The following PDE1C variants were observed in gnomAD, a reference collection of about 807,000 sequenced individuals.
PDE1C encodes phosphodiesterase 1C.
A neutral mutation model predicts 93.1 loss-of-function variants in PDE1C; 62 were observed. The ratio of observed to expected loss-of-function variants is 0.67; its 90% CI spans 0.54 to 0.82. The LOEUF (loss-of-function observed/expected upper bound fraction) is 0.82, where lower values mean the gene tolerates loss of function less well. Among genes scored for constraint, PDE1C ranks in the 40% least tolerant of loss-of-function variants. The pLI, the probability that PDE1C is intolerant of heterozygous loss-of-function variation, is 0.00. For synonymous variants in PDE1C, 325 were observed against 310.1 expected (o/e 1.05, Z -0.50); for missense variants, 742 against 884.6 (o/e 0.84, Z 2.04).
At chr7:32,029,135 C>A (rs560562769) in intron 2 of PDE1C, among the ~76,000 whole-genome samples, 1 of 152,102 alleles carries the variant, frequency 6.6e-6, no homozygotes, top group African/African-American at 2.4e-5. Flanking sequence ...CAAATACATG[C>A]AAAAACAAAT....
chr7:32,107,149 GA>G (rs112356828), intron 3 of PDE1C, among the ~76,000 whole-genome samples: 78,590 of 142,934 alleles, frequency 0.55, 23,151 homozygotes, highest in Middle Eastern at 0.71. Flanking sequence ...GAAATGTAAA[GA>G]AAAAAAAAAA....
chr7:31,869,811 C>G (rs566078448), intron 6 of PDE1C, among the ~76,000 whole-genome samples: 2 of 152,180 alleles, frequency 1.3e-5, no homozygotes, highest in South Asian at 4.1e-4. Flanking sequence ...CTACAGAACA[C>G]AAATTTTTCT....
intron 1 of PDE1C, among the ~76,000 whole-genome samples, chr7:32,361,930 C>T (rs767030887): frequency 9.2e-5 from 14 of 152,136 alleles, no homozygotes; most frequent in Admixed American, 1.3e-4. Context: ...TTCTTTAGTC[C>T]GTCATTCAAC....
At chr7:31,718,380 A>G in the PDE1C span, among the ~76,000 whole-genome samples, 1 of 152,090 alleles carries the variant, frequency 6.6e-6, no homozygotes, top group Non-Finnish European at 1.5e-5. Context: ...CTCCTCTGCT[A>G]CTCACAGGTC....
intron 3 of PDE1C, among the ~76,000 whole-genome samples, chr7:32,163,783 C>T (rs376106330): frequency 2.0e-5 from 3 of 152,156 alleles, no homozygotes; most frequent in Non-Finnish European, 1.5e-5. Flanking sequence ...GCATCACTCA[C>T]AAAGCATCCA....
chr7:31,655,913 C>T, the PDE1C span: 1 of 985,474 alleles, frequency 1.0e-6, no homozygotes, highest in Non-Finnish European at 1.2e-6. Context: ...ACCTGGCAGC[C>T]ATCTGCTTTA....
chr7:31,847,861 C>T (rs1484032655), intron 9 of PDE1C, 107 bp downstream of exon 9: 20 of 1,168,106 alleles, frequency 1.7e-5, no homozygotes, highest in South Asian at 7.4e-5. Flanking sequence ...GAAAGCAACA[C>T]GAATCAACAT....
At chr7:32,329,941 T>C (rs6955346) in intron 1 of PDE1C, among the ~76,000 whole-genome samples, 61,237 of 152,144 alleles carry the variant, frequency 0.4, 13,533 homozygotes, top group African/African-American at 0.58. Context: ...ATTGTCCACA[T>C]GTTGCCTTTG....
intron 2 of PDE1C, among the ~76,000 whole-genome samples, chr7:32,019,940 A>C (rs1378280975): frequency 6.6e-6 from 1 of 152,108 alleles, no homozygotes; most frequent in East Asian, 1.9e-4. Context: ...AAGTTCAGGG[A>C]AAAGAGCAAG....
intron 16 of PDE1C, among the ~76,000 whole-genome samples, chr7:31,804,810 G>C (rs898070810): frequency 1.3e-5 from 2 of 151,772 alleles, no homozygotes; most frequent in Non-Finnish European, 2.9e-5. Context: ...TGATAAACGA[G>C]GTGGCTATTA....
chr7:31,923,142 C>T (rs757036086), intron 2 of PDE1C, among the ~76,000 whole-genome samples: 1 of 152,142 alleles, frequency 6.6e-6, no homozygotes, highest in Non-Finnish European at 1.5e-5. Context: ...CCAGAGAAAA[C>T]ATACAGAGGT....
chr7:32,047,062 A>AGTGTGTGT (rs59580872), intron 2 of PDE1C, among the ~76,000 whole-genome samples: 1,698 of 145,944 alleles, frequency 0.012, 20 homozygotes, highest in African/African-American at 0.029. Context: ...TGCGAGACAG[A>AGTGTGTGT]GTGTGTGTGT....
intron 6 of PDE1C, among the ~76,000 whole-genome samples, chr7:31,867,342 C>CA (rs1165335820): frequency 6.6e-6 from 1 of 152,150 alleles, no homozygotes; most frequent in African/African-American, 2.4e-5. Flanking sequence ...CAATACCCTC[C>CA]ACAGTAGCAG....
At chr7:32,162,421 A>G (rs1801979082) in intron 3 of PDE1C, among the ~76,000 whole-genome samples, 1 of 152,196 alleles carries the variant, frequency 6.6e-6, no homozygotes. Context: ...TCAAGACAGG[A>G]TTAGACATAC....
In PDE1C at chr7:31,845,004, TTA is replaced by T. The variant is rs529560203; in HGVS notation, c.980+2962_980+2963del. Among the ~76,000 whole-genome samples the T allele has an allele frequency of 2.8e-3, 421 of 152,244 alleles. 3 individuals carry two copies. Among genetic ancestry groups the T allele is most frequent in the African/African-American group, 9.6e-3 (398 of 41,568 alleles). On this transcript the variant is annotated intron_variant, in intron 9 of 17. Coordinates refer to ENST00000396191, the MANE Select transcript of PDE1C (RefSeq NM_001191057.4). ...TTCAGTTCTAAACTTTGTTTTTAAT[TTA>T]TGTTTTCATTTTACTCATAAACCTT...
At chr7:31,760,267 A>G (rs1794746268) in intron 17 of PDE1C, among the ~76,000 whole-genome samples, 1 of 152,226 alleles carries the variant, frequency 6.6e-6, no homozygotes, top group African/African-American at 2.4e-5. Context: ...TTTATCAAGG[A>G]CATCTTATAG....
At chr7:32,412,990 G>A (rs1039974927) in intron 1 of PDE1C, among the ~76,000 whole-genome samples, 11 of 152,162 alleles carry the variant, frequency 7.2e-5, no homozygotes, top group Admixed American at 1.3e-4. Flanking sequence ...GGAAACTCAC[G>A]GGGATGAGGG....
At chr7:31,784,846 A>G (rs1783754453) in intron 16 of PDE1C, 1 of 152,208 alleles carries the variant, frequency 6.6e-6, no homozygotes, top group Non-Finnish European at 1.5e-5. Context: ...CTCTAGAATC[A>G]GTTATTGGAC....
At chr7:31,683,508 G>C in the PDE1C span, among the ~76,000 whole-genome samples, 4 of 151,874 alleles carry the variant, frequency 2.6e-5, no homozygotes, top group African/African-American at 2.4e-5. Flanking sequence ...CCTGACATGT[G>C]TTCAAAACTG....
Sources: gnomAD v4.1 joint callset for allele counts (sites outside exome capture counted in the v4.1 genomes callset) on GRCh38, gnomAD v4.1.1 for gene constraint, MANE v1.5 for transcripts, NCBI Gene and HGNC (gene_info 2026-07-23, HGNC 2026-07-21) for gene names.